The following INSYN1 variants were observed in gnomAD, a reference collection of about 807,000 sequenced individuals.
INSYN1 encodes the protein UPF0583 protein C15orf59.
A neutral mutation model predicts 17.1 loss-of-function variants in INSYN1; 7 were observed. The ratio of observed to expected loss-of-function variants is 0.41; its 90% CI spans 0.23 to 0.77. INSYN1 has a LOEUF of 0.77. Ranked by LOEUF, INSYN1 falls within the 30% of genes least tolerant of loss-of-function variation. INSYN1 has a pLI of 0.32. For missense variants in INSYN1, 339 were observed against 400.6 expected (o/e 0.85, Z 1.31); for synonymous variants, 174 against 166.3 (o/e 1.05, Z -0.36).
Position 73,739,344 on chromosome 15 carries a change from A to G in INSYN1, c.*573T>C, listed in dbSNP as rs1901612528. ...GCAGCTTGCCATTCCCCTATGTCCC[A>G]GGCAACCCTAAGATGGAAGGGGGTG... On this transcript the variant is annotated 3_prime_UTR_variant, in exon 3 of 3. Transcript: ENST00000569673. The G allele has an allele frequency of 1.3e-5, 2 of 152,324 alleles. No individual in the cohort carries two copies. Among genetic ancestry groups the G allele is most frequent in the African/African-American group, 4.8e-5 (2 of 41,474 alleles). 9.4% of individuals were successfully genotyped at this position (152,324 alleles called of 1,614,324 possible).
At position 73,740,137 on chromosome 15, in the gene INSYN1, G is replaced by A. The variant is rs559466169; in HGVS notation, c.662C>T (p.Pro221Leu). The part of the protein sequence containing the change: ...EEEEVGLPPE[P>L]AHTEAHAGPH... ...GCCTGCATGGGCCTCTGTATGGGCA[G>A]GCTCAGGGGGCAAGCCCACTTCTTC... Residue 221 changes from proline to leucine, a missense_variant, in exon 3 of 3, where the codon CCT becomes CTT. Pro to Leu is a moderately conservative substitution (Grantham distance 98). Transcript: ENST00000569673. The A allele has an allele frequency of 1.2e-6, 2 of 1,613,950 alleles. No individual in the cohort carries two copies. The highest frequency in any genetic ancestry group is 1.3e-5 in the African/African-American group (1 of 75,012).
In INSYN1 at chr15:73,740,165, C is replaced by T; in HGVS notation, c.634G>A (p.Glu212Lys). The T allele has an allele frequency of 6.2e-7, 1 of 1,614,078 alleles. No individual in the cohort carries two copies. Among genetic ancestry groups the T allele is most frequent in the Non-Finnish European group, 8.5e-7 (1 of 1,179,992 alleles). The change falls in exon 3 of 3, where the codon GAG becomes AAG. Residue 212 changes from glutamate to lysine, a missense_variant. Transcript: ENST00000569673. Reference sequence around the variant, plus strand: ...TCAGGGGGCAAGCCCACTTCTTCCTCCTCCACCTCCTGCTCACCGTCCCCC... The same window carrying T: ...TCAGGGGGCAAGCCCACTTCTTCCTTCTCCACCTCCTGCTCACCGTCCCCC... ...EEGDGEQEVEEEEVGLPPEPA... is the reference protein window; with the variant it reads ...EEGDGEQEVEKEEVGLPPEPA...
intron 2 of INSYN1, among the ~76,000 whole-genome samples, chr15:73,749,872 C>T (rs1430612060): frequency 6.6e-6 from 1 of 152,176 alleles, no homozygotes; most frequent in East Asian, 1.9e-4. Flanking sequence ...GAACACAGTG[C>T]CCTTCAAACA....
chr15:73,742,634 G>A (rs1165303869), intron 2 of INSYN1, among the ~76,000 whole-genome samples: 2 of 152,190 alleles, frequency 1.3e-5, no homozygotes, highest in Non-Finnish European at 2.9e-5. Flanking sequence ...TGCTGTGACT[G>A]CTGGGCTTGG....
intron 2 of INSYN1, among the ~76,000 whole-genome samples, chr15:73,748,480 G>A (rs1225406558): frequency 1.3e-5 from 2 of 152,154 alleles, no homozygotes; most frequent in Non-Finnish European, 2.9e-5. Flanking sequence ...CTAAGCTGGT[G>A]CTGCCCAGGT....
In INSYN1 at chr15:73,752,094, C is replaced by G. The variant is rs1902003172; in HGVS notation, c.-568+16G>C. 3 of 152,232 alleles carry G rather than the reference C, an allele frequency of 2.0e-5. No individual in the cohort carries two copies. Among genetic ancestry groups the G allele is most frequent in the African/African-American group, 7.2e-5 (3 of 41,406 alleles). 9.4% of individuals were successfully genotyped at this position (152,232 alleles called of 1,614,324 possible). On this transcript the variant is annotated intron_variant, in intron 1 of 2. Transcript: ENST00000569673. The surrounding 1 kb of genome is among the most constrained non-coding windows in gnomAD (Gnocchi z 5.2). ...CCAGCCCCGCCTTCCCTCAGAACCCCCACTCCTGGACTCACCGAGGGTGGG... is the reference window on the plus strand; with the variant it reads ...CCAGCCCCGCCTTCCCTCAGAACCCGCACTCCTGGACTCACCGAGGGTGGG...
Position 73,740,559 on chromosome 15 carries a change from G to A in INSYN1, c.240C>T (p.Ser80=). 1 of 1,614,148 alleles carries A rather than the reference G, an allele frequency of 6.2e-7. No individual in the cohort carries two copies. Among genetic ancestry groups the A allele is most frequent in the Middle Eastern group, 1.6e-4 (1 of 6,062 alleles). Residue 80 remains serine (S), a synonymous_variant, in exon 3 of 3, where the codon AGC becomes AGT. Coordinates refer to ENST00000569673, the MANE Select transcript of INSYN1 (RefSeq NM_001039614.3). ...TGCCCGCCTTGTCACTGCTAGAGGT[G>A]CTGCTCACAGTGGCCGTGGTCCAGT... ...PDDWTTATVS[S]TSSSDKAGMG... is the part of the protein sequence containing the mutation.
Position 73,735,908 on chromosome 15 carries a change from G to C in INSYN1, c.*4009C>G, listed in dbSNP as rs1250484761. On this transcript the variant is annotated 3_prime_UTR_variant, in exon 3 of 3. Transcript: ENST00000569673. ...CACTTAGAACAATGCCCAGTGCCTA[G>C]CACGTGCCCAGTGGACATGAGTTAT... The C allele has an allele frequency of 6.6e-6, 1 of 152,254 alleles. No individual in the cohort carries two copies. The highest frequency in any genetic ancestry group is 1.5e-5 in the Non-Finnish European group (1 of 68,074). The allele number at this position is 152,254 out of a possible 1,614,324, so 9.4% of individuals were successfully genotyped here.
Position 73,751,120 on chromosome 15 carries a change from C to A in INSYN1, c.11G>T (p.Arg4Leu). Residue 4 changes from arginine to leucine, a missense_variant, in exon 2 of 3, where the codon CGG becomes CTG. Coordinates refer to ENST00000569673, the MANE Select transcript of INSYN1 (RefSeq NM_001039614.3). MNIRGAPDLGQPSD... is the reference protein window; with the variant it reads MNILGAPDLGQPSD... The stretch of plus-strand genomic sequence containing the variant: ...GGGCTGCCCGAGGTCCGGGGCGCCC[C>A]GAATGTTCATCGTTTACCACGTGGC... The A allele has an allele frequency of 6.2e-7, 1 of 1,613,766 alleles. No homozygotes were observed. The highest frequency in any genetic ancestry group is 1.1e-5 in the South Asian group (1 of 91,070).
chr15:73,747,365 G>A (rs1233606116), intron 2 of INSYN1, among the ~76,000 whole-genome samples: 2 of 152,194 alleles, frequency 1.3e-5, no homozygotes, highest in Non-Finnish European at 2.9e-5. Context: ...AGGCCAGGAT[G>A]TGGTCCTGAC....
chr15:73,742,416 A>G (rs1033468225), intron 2 of INSYN1, among the ~76,000 whole-genome samples: 1 of 152,166 alleles, frequency 6.6e-6, no homozygotes, highest in African/African-American at 2.4e-5. Context: ...AAGGGCAGCA[A>G]AAGGACTCTG....
chr15:73,742,281 G>T lies in INSYN1; in HGVS notation c.157-1639C>A, dbSNP rs375837469. On this transcript the variant is annotated intron_variant, in intron 2 of 2. Transcript: ENST00000569673. ...TTGACATTGTTCTGTGTGTCTTTTG[G>T]AAGATCACAGAACCTCTCTGGACCT... 5.3e-5 allele frequency among the ~76,000 whole-genome samples: 8 copies of T among 152,240 alleles called. No individual in the cohort carries two copies. In the East Asian group the frequency reaches 1.4e-3, roughly 26 times the overall value.
intron 2 of INSYN1, among the ~76,000 whole-genome samples, chr15:73,746,549 G>A (rs1296428684): frequency 6.6e-6 from 1 of 152,092 alleles, no homozygotes; most frequent in Non-Finnish European, 1.5e-5. Flanking sequence ...ACAATGGAAT[G>A]GCCAGGAAAC....
intron 2 of INSYN1, among the ~76,000 whole-genome samples, chr15:73,742,928 T>G (rs1901725836): frequency 6.6e-6 from 1 of 152,174 alleles, no homozygotes; most frequent in Non-Finnish European, 1.5e-5. Context: ...GTGCTGTTGC[T>G]GCTGGTCCAG....
At chr15:73,743,788 C>G (rs1901748492) in intron 2 of INSYN1, among the ~76,000 whole-genome samples, 1 of 127,160 alleles carries the variant, frequency 7.9e-6, no homozygotes, top group African/African-American at 3.0e-5. Flanking sequence ...CGAGATCGCG[C>G]CACTGCACTC....
rs1229600256 is a variant in INSYN1, at chr15:73,752,520, C to G, written c.-978G>C. On this transcript the variant is annotated 5_prime_UTR_variant, in exon 1 of 3. Transcript: ENST00000569673. This position sits in a 1 kb window ranked among gnomAD's most constrained non-coding sequence, Gnocchi z 5.2. ...CGCCCGGCATTCCCCGGGCTCTGCA[C>G]CGTCCGGGATTCGCTCTGTCCAGTC... The G allele has an allele frequency of 6.6e-6, 1 of 152,304 alleles. No individual in the cohort carries two copies. Among genetic ancestry groups the G allele is most frequent in the Non-Finnish European group, 1.5e-5 (1 of 68,168 alleles). 9.4% of individuals were successfully genotyped at this position (152,304 alleles called of 1,614,324 possible).
intron 2 of INSYN1, among the ~76,000 whole-genome samples, chr15:73,748,561 T>C (rs1901898317): frequency 6.6e-6 from 1 of 152,092 alleles, no homozygotes; most frequent in African/African-American, 2.4e-5. Context: ...GATAAAAAAA[T>C]GCTACACAAA....
At chr15:73,740,721 C>T in intron 2 of INSYN1, 79 bp from the exon 3 acceptor site, 1 of 1,151,482 alleles carries the variant, frequency 8.7e-7, no homozygotes, top group Non-Finnish European at 1.3e-6. Context: ...GTCTCCACCC[C>T]ATCCCTGTAG....
Position 73,749,708 on chromosome 15 carries a change from G to A in INSYN1, c.156+1267C>T, listed in dbSNP as rs145942916. On this transcript the variant is annotated intron_variant, in intron 2 of 2. Coordinates refer to ENST00000569673, the MANE Select transcript of INSYN1 (RefSeq NM_001039614.3). ...AAGATGTGCAACCCAGACTATGGCC[G>A]GCCCAGTCCATGGGCAGAAGCACCA... Among the ~76,000 whole-genome samples, 402 of 152,282 alleles carry A rather than the reference G, an allele frequency of 2.6e-3. 1 individual carries two copies. The highest frequency in any genetic ancestry group is 9.1e-3 in the African/African-American group (377 of 41,566).
Sources: gnomAD v4.1 joint callset for allele counts (sites outside exome capture counted in the v4.1 genomes callset) on GRCh38, gnomAD v4.1.1 for gene constraint, Gnocchi (gnomAD v3.1) non-coding constraint, MANE v1.5 for transcripts, NCBI Gene and HGNC (gene_info 2026-07-23, HGNC 2026-07-21) for gene names.